FRMD4A: variants seen among roughly 807,000 people sequenced by gnomAD.
The protein encoded by FRMD4A is FERM domain-containing protein 4A.
A neutral mutation model predicts 129.1 loss-of-function variants in FRMD4A; 29 were observed. The observed-to-expected ratio is 0.22, with a 90% CI of 0.17 to 0.31. FRMD4A has a LOEUF of 0.31. Among genes scored for constraint, FRMD4A ranks in the 10% least tolerant of loss-of-function variants. The probability of loss-of-function intolerance (pLI) is 1.00; values close to 1 mark genes in which losing one functional copy is unlikely to be tolerated. For missense variants in FRMD4A, 1,272 were observed against 1,375.8 expected (o/e 0.92, Z 1.19); for synonymous variants, 634 against 571.6 (o/e 1.11, Z -1.56).
intron 2 of FRMD4A, chr10:13,871,070 G>T: frequency 6.3e-6 from 1 of 159,492 alleles, no homozygotes. Context: ...AAATGCCAAT[G>T]AAGACCCCAT....
chr10:13,831,409 A>G lies in FRMD4A; in HGVS notation c.112-20501T>C, dbSNP rs138037278. 1.9e-3 allele frequency among the ~76,000 whole-genome samples: 284 copies of G among 152,266 alleles called. 3 individuals carry two copies. The highest frequency in any genetic ancestry group is 0.017 in the East Asian group (88 of 5,176). Reference sequence around the variant, plus strand: ...GCCTGCAGTGAGCTATGATTGCACCACTGCACTCTACCCTAGGTGACAGAG... The same window carrying G: ...GCCTGCAGTGAGCTATGATTGCACCGCTGCACTCTACCCTAGGTGACAGAG... On this transcript the variant is annotated intron_variant, in intron 3 of 24. Transcript: ENST00000357447.
intron 2 of FRMD4A, among the ~76,000 whole-genome samples, chr10:14,321,864 G>T (rs1029452441): frequency 1.3e-5 from 2 of 152,074 alleles, no homozygotes; most frequent in African/African-American, 4.8e-5. Context: ...ATTGTATCAT[G>T]GGGGCGGACT....
chr10:13,864,337 T>TCAA, intron 2 of FRMD4A, among the ~76,000 whole-genome samples: 1 of 31,404 alleles, frequency 3.2e-5, no homozygotes, highest in South Asian at 1.4e-3. Context: ...ACATCTTGAG[T>TCAA]CAAAAAAAAA....
intron 2 of FRMD4A, among the ~76,000 whole-genome samples, chr10:13,951,351 C>T (rs1298505803): frequency 9.2e-5 from 14 of 151,960 alleles, no homozygotes; most frequent in Admixed American, 7.9e-4. Flanking sequence ...ATCTTGGGAT[C>T]GTAGCAGGCT....
At chr10:14,258,028 C>T (rs890117543) in intron 2 of FRMD4A, among the ~76,000 whole-genome samples, 1 of 152,028 alleles carries the variant, frequency 6.6e-6, no homozygotes, top group African/African-American at 2.4e-5. Flanking sequence ...TATTATCTTA[C>T]ACTATATATA....
At chr10:14,030,016 C>T (rs7895090) in intron 2 of FRMD4A, among the ~76,000 whole-genome samples, 31,078 of 152,106 alleles carry the variant, frequency 0.2, 3,734 homozygotes, top group East Asian at 0.45. Context: ...GACACATATA[C>T]TGCATCATCT....
Position 13,954,845 on chromosome 10 carries a change from T to G in FRMD4A, c.46-95933A>C, listed in dbSNP as rs539664135. On this transcript the variant is annotated intron_variant, in intron 2 of 24. Coordinates refer to ENST00000357447, the MANE Select transcript of FRMD4A (RefSeq NM_018027.5). ...CTGGTGTTTGGTGCAGGGTCTTCTCTCAAACCCCTCTCTCATGTTACACTT... is the reference window on the plus strand; with the variant it reads ...CTGGTGTTTGGTGCAGGGTCTTCTCGCAAACCCCTCTCTCATGTTACACTT... Among the ~76,000 whole-genome samples the G allele has an allele frequency of 6.6e-5, 10 of 152,318 alleles. No homozygotes were observed. The East Asian group carries it at 1.7e-3, about 26-fold the overall frequency.
chr10:13,681,547 C>CAT (rs10606576), intron 15 of FRMD4A, among the ~76,000 whole-genome samples: 60 of 151,888 alleles, frequency 4.0e-4, no homozygotes, highest in East Asian at 3.9e-4. Flanking sequence ...GTGAAAGGCA[C>CAT]ATATATATAT....
intron 2 of FRMD4A, among the ~76,000 whole-genome samples, chr10:13,936,142 G>A (rs903043843): frequency 6.6e-6 from 1 of 152,176 alleles, no homozygotes; most frequent in African/African-American, 2.4e-5. Context: ...TTTAGGTGCT[G>A]GCACACAAGT....
At position 13,654,494 on chromosome 10, in the gene FRMD4A, T is replaced by C. The variant is rs1564518767; in HGVS notation, c.2972A>G (p.Gln991Arg). 4 of 1,613,540 alleles carry C rather than the reference T, an allele frequency of 2.5e-6. No homozygotes were observed. Among genetic ancestry groups the C allele is most frequent in the Non-Finnish European group, 3.4e-6 (4 of 1,179,496 alleles). The change falls in exon 23 of 25, where the codon CAG becomes CGG. Residue 991 changes from glutamine to arginine, a missense_variant. By Grantham distance (43) the Gln-to-Arg change is conservative. Around this residue, in one of 2 missense-constraint regions of FRMD4A, gnomAD observed 972 missense variants for 892.3 expected, o/e 1.09. Transcript: ENST00000357447. ...TTCACTTGACGGTGTCGAGCTTCTC[T>C]GGCTTTGAGGTAAGGCAGCTACATG... ...KATSAALPQS[Q>R]RSSTPSSEIG...
intron 2 of FRMD4A, chr10:14,083,860 C>T (rs1457170178): frequency 2.0e-5 from 3 of 152,154 alleles, no homozygotes. Context: ...ACACCTTCTC[C>T]CCACCTTCGC....
chr10:13,803,411 A>C (rs2093296691), intron 4 of FRMD4A, among the ~76,000 whole-genome samples: 1 of 152,204 alleles, frequency 6.6e-6, no homozygotes, highest in African/African-American at 2.4e-5. Context: ...AGCTCGCTGC[A>C]GCCTTGAACC....
At chr10:13,741,570 G>A (rs145156444) in intron 9 of FRMD4A, among the ~76,000 whole-genome samples, 3 of 152,298 alleles carry the variant, frequency 2.0e-5, no homozygotes, top group East Asian at 1.9e-4. Context: ...ATGAATGCCC[G>A]GGCTGAGCTC....
chr10:13,851,231 G>A (rs1257109425), intron 3 of FRMD4A, among the ~76,000 whole-genome samples: 1 of 151,272 alleles, frequency 6.6e-6, no homozygotes, highest in Non-Finnish European at 1.5e-5. Flanking sequence ...AACAAAAAAA[G>A]AAAAAGAAAA....
chr10:14,052,796 T>C (rs571420395), intron 2 of FRMD4A, among the ~76,000 whole-genome samples: 1 of 152,240 alleles, frequency 6.6e-6, no homozygotes, highest in South Asian at 2.1e-4. Context: ...ACTCCTGACC[T>C]CAAGTGATCC....
At chr10:14,161,431 G>T (rs1280625210) in intron 2 of FRMD4A, among the ~76,000 whole-genome samples, 1 of 152,184 alleles carries the variant, frequency 6.6e-6, no homozygotes, top group Non-Finnish European at 1.5e-5. Flanking sequence ...GTGTCCATCA[G>T]TGGATGAATA....
rs146395965 is a variant in FRMD4A, at chr10:14,000,218, T to C, written c.46-141306A>G. Reference sequence around the variant, plus strand: ...AGATAATATTATCCTCTGAGGCTCATTGATGAGTAAATACAAATAAAAGTG... The same window carrying C: ...AGATAATATTATCCTCTGAGGCTCACTGATGAGTAAATACAAATAAAAGTG... On this transcript the variant is annotated intron_variant, in intron 2 of 24. Coordinates refer to ENST00000357447, the MANE Select transcript of FRMD4A (RefSeq NM_018027.5). 2.6e-4 allele frequency among the ~76,000 whole-genome samples: 39 copies of C among 152,340 alleles called. No individual in the cohort carries two copies. In the East Asian group the frequency reaches 7.3e-3, roughly 29 times the overall value.
chr10:14,147,418 G>T (rs964784752), intron 2 of FRMD4A, among the ~76,000 whole-genome samples: 1 of 152,100 alleles, frequency 6.6e-6, no homozygotes, highest in Non-Finnish European at 1.5e-5. Flanking sequence ...AGAGGGGAAT[G>T]GTTTCAGGAT....
chr10:13,942,805 C>T (rs181785194), intron 2 of FRMD4A, among the ~76,000 whole-genome samples: 12 of 151,870 alleles, frequency 7.9e-5, no homozygotes, highest in Non-Finnish European at 1.2e-4. Context: ...TGGTGGCGCG[C>T]GTCTGTAGTC....
Sources: allele counts gnomAD v4.1 joint callset (sites outside exome capture counted in the v4.1 genomes callset), GRCh38; gene constraint gnomAD v4.1.1; regional missense constraint gnomAD v4.1.1; transcripts MANE v1.5; gene names NCBI Gene and HGNC (gene_info 2026-07-23, HGNC 2026-07-21).